CRY1: variants seen among roughly 807,000 people sequenced by gnomAD.
CRY1 encodes cryptochrome-1.
In CRY1, 45 loss-of-function variants were observed where a neutral mutation model predicts 76.0. The observed-to-expected ratio is 0.59, with a 90% CI of 0.47 to 0.76. CRY1 has a LOEUF of 0.76. Among genes scored for constraint, CRY1 ranks in the 30% least tolerant of loss-of-function variants. The probability of loss-of-function intolerance (pLI) is 0.00; values close to 1 mark genes in which losing one functional copy is unlikely to be tolerated. For missense variants in CRY1, 587 were observed against 716.4 expected (o/e 0.82, Z 2.06); for synonymous variants, 248 against 244.0 (o/e 1.02, Z -0.15).
At chr12:107,062,045 G>GAAAAA (rs1484314617) in intron 1 of CRY1, among the ~76,000 whole-genome samples, 1 of 98,280 alleles carries the variant, frequency 1.0e-5, no homozygotes, top group Non-Finnish European at 2.2e-5. Flanking sequence ...AAAAAAAAAA[G>GAAAAA]AAAAAAAGAA....
intron 1 of CRY1, among the ~76,000 whole-genome samples, chr12:107,063,061 C>T (rs1953066697): frequency 6.6e-6 from 1 of 151,996 alleles, no homozygotes; most frequent in African/African-American, 2.4e-5. Context: ...CTCTTTATTT[C>T]CCAGTTTGTG....
At chr12:107,069,599 AAAG>A (rs1953156598) in intron 1 of CRY1, among the ~76,000 whole-genome samples, 1 of 40,556 alleles carries the variant, frequency 2.5e-5, no homozygotes, top group Non-Finnish European at 7.9e-5. Context: ...ATATATATAT[AAAG>A]TATATATATA....
In CRY1 at chr12:106,992,975, C is replaced by G. The variant is rs1134791; in HGVS notation, c.1647G>C (p.Leu549=). The change falls in exon 11 of 13, where the codon CTG becomes CTC. Residue 549 remains leucine, a synonymous_variant. Transcript: ENST00000008527. ...ATGCTTCATTCTTACCTTGCTTCAACAGGTGAGTTTGCTGACTGTCGCCAT... is the reference window on the plus strand; with the variant it reads ...ATGCTTCATTCTTACCTTGCTTCAAGAGGTGAGTTTGCTGACTGTCGCCAT... ...YAHGDSQQTH[L]LKQGRSSMGT... is the part of the protein sequence containing the mutation. The G allele has an allele frequency of 3.7e-6, 6 of 1,614,034 alleles. No individual in the cohort carries two copies. Among genetic ancestry groups the G allele is most frequent in the Non-Finnish European group, 5.1e-6 (6 of 1,179,924 alleles).
chr12:107,061,832 G>A (rs761657793), intron 1 of CRY1, among the ~76,000 whole-genome samples: 5 of 151,842 alleles, frequency 3.3e-5, no homozygotes, highest in South Asian at 2.1e-4. Context: ...CCAATGCTGG[G>A]AAGGAGTTAA....
chr12:107,057,220 A>T (rs7311974), intron 1 of CRY1, among the ~76,000 whole-genome samples: 105,472 of 151,948 alleles, frequency 0.69, 37,423 homozygotes, highest in East Asian at 0.97. Context: ...ACTTTTGTTA[A>T]CAAGATTGAA....
chr12:107,024,637 G>A (rs921790523), intron 1 of CRY1, among the ~76,000 whole-genome samples: 5 of 152,012 alleles, frequency 3.3e-5, no homozygotes, highest in African/African-American at 7.2e-5. Context: ...TCAGCCTCCC[G>A]AAGTGCTGGG....
intron 1 of CRY1, among the ~76,000 whole-genome samples, chr12:107,092,235 A>G (rs758541599): frequency 6.6e-6 from 1 of 152,180 alleles, no homozygotes; most frequent in Non-Finnish European, 1.5e-5. Flanking sequence ...ACTTGCCTAG[A>G]AAGAAAAACT....
intron 10 of CRY1, among the ~76,000 whole-genome samples, chr12:106,996,208 C>T (rs1300851835): frequency 1.3e-5 from 2 of 152,174 alleles, no homozygotes; most frequent in South Asian, 4.1e-4. Context: ...CACTTACAAG[C>T]AAGAACATGA....
rs763785664 is a variant in CRY1, at chr12:107,022,194, TAG to T, written c.159-4_159-3del. 4 of 1,509,104 alleles carry T rather than the reference TAG, an allele frequency of 2.7e-6. No homozygotes were observed. Among genetic ancestry groups the T allele is most frequent in the African/African-American group, 2.8e-5 (2 of 72,082 alleles). 93.5% of individuals were successfully genotyped at this position (1,509,104 alleles called of 1,614,324 possible). A position where few individuals can be genotyped will look rare whatever the true frequency, so the allele number is the denominator to read the frequency against. ...TCCTCAAGACACTGAAGCAAAAATC[TAG>T]AGAGAAGAAAGTATTATTTAAATTA... is the stretch of plus-strand genomic sequence containing the variant. On this transcript the variant is annotated splice_region_variant and splice_polypyrimidine_tract_variant and intron_variant, in intron 1 of 12. Coordinates refer to ENST00000008527, the MANE Select transcript of CRY1 (RefSeq NM_004075.5).
chr12:107,081,182 A>C (rs1953320872), intron 1 of CRY1, among the ~76,000 whole-genome samples: 1 of 152,118 alleles, frequency 6.6e-6, no homozygotes, highest in African/African-American at 2.4e-5. Flanking sequence ...AGAGCTTACA[A>C]GTCATAGCTT....
At chr12:107,018,032 T>C (rs1175082800) in intron 2 of CRY1, among the ~76,000 whole-genome samples, 1 of 152,256 alleles carries the variant, frequency 6.6e-6, no homozygotes, top group Non-Finnish European at 1.5e-5. Flanking sequence ...TTTGTTTCAC[T>C]ACTGTATCTC....
chr12:107,082,634 C>A (rs1021816319), intron 1 of CRY1, among the ~76,000 whole-genome samples: 2 of 152,162 alleles, frequency 1.3e-5, no homozygotes, highest in African/African-American at 4.8e-5. Flanking sequence ...TAAGTAAGTT[C>A]TTTGACACCA....
intron 2 of CRY1, among the ~76,000 whole-genome samples, chr12:107,020,301 T>C (rs1230830527): frequency 1.3e-5 from 2 of 151,888 alleles, no homozygotes; most frequent in East Asian, 1.9e-4. Flanking sequence ...AATAGAAACA[T>C]TGCTATTTCA....
intron 1 of CRY1, among the ~76,000 whole-genome samples, chr12:107,028,567 A>T (rs184120543): frequency 1.3e-5 from 2 of 152,324 alleles, no homozygotes; most frequent in Admixed American, 1.3e-4. Context: ...ATTTTAAAGC[A>T]TTAATATCAT....
intron 2 of CRY1, among the ~76,000 whole-genome samples, chr12:107,021,552 C>T (rs1002328516): frequency 3.3e-5 from 5 of 151,992 alleles, no homozygotes; most frequent in Non-Finnish European, 5.9e-5. Flanking sequence ...ATCTGAAAGA[C>T]CGAGGAAATG....
chr12:107,069,352 G>A (rs147264203), intron 1 of CRY1, among the ~76,000 whole-genome samples: 2,739 of 150,908 alleles, frequency 0.018, 59 homozygotes, highest in African/African-American at 0.063. Context: ...AGCCTCCCGA[G>A]TAGCTGGGAC....
At chr12:107,037,183 G>A (rs1411124866) in intron 1 of CRY1, among the ~76,000 whole-genome samples, 2 of 152,128 alleles carry the variant, frequency 1.3e-5, no homozygotes, top group Non-Finnish European at 2.9e-5. Context: ...TAAAGGCCCA[G>A]ACACATGGGA....
chr12:107,006,638 C>CGTTTTTTTTTTTTTTTTTTTTTTTTT (rs71076707), intron 2 of CRY1, among the ~76,000 whole-genome samples: 1 of 137,108 alleles, frequency 7.3e-6, no homozygotes. Flanking sequence ...TATTAGTAAT[C>CGTTTTTTTTTTTTTTTTTTTTTTTTT]TTTTTTTTTT....
At chr12:107,065,636 A>T (rs994655038) in intron 1 of CRY1, among the ~76,000 whole-genome samples, 2 of 152,166 alleles carry the variant, frequency 1.3e-5, no homozygotes, top group African/African-American at 4.8e-5. Flanking sequence ...TTTGGTGTAT[A>T]GAACAAAATA....
Sources: allele counts gnomAD v4.1 joint callset (sites outside exome capture counted in the v4.1 genomes callset), GRCh38; gene constraint gnomAD v4.1.1; transcripts MANE v1.5; gene names NCBI Gene and HGNC (gene_info 2026-07-23, HGNC 2026-07-21).